The following MCTP1 variants were observed in gnomAD, a reference collection of about 807,000 sequenced individuals.
The protein encoded by MCTP1 is multiple C2 and transmembrane domain-containing protein 1.
MCTP1 carries 69 observed loss-of-function variants against 120.6 expected under a neutral mutation model. The ratio of observed to expected loss-of-function variants is 0.57; its 90% CI spans 0.47 to 0.70. The LOEUF (loss-of-function observed/expected upper bound fraction) is 0.70. Ranked by LOEUF, MCTP1 falls within the 30% of genes least tolerant of loss-of-function variation. The pLI is 0.00. For missense variants in MCTP1, 1,203 were observed against 1,248.8 expected (o/e 0.96, Z 0.55); for synonymous variants, 529 against 493.1 (o/e 1.07, Z -0.96).
intron 17 of MCTP1, among the ~76,000 whole-genome samples, chr5:94,863,513 T>A (rs1796210167): frequency 6.6e-6 from 1 of 151,860 alleles, no homozygotes; most frequent in South Asian, 2.1e-4. Flanking sequence ...TTATCCTACA[T>A]TTCATTGTGC....
intron 2 of MCTP1, among the ~76,000 whole-genome samples, chr5:95,000,794 A>C (rs762995130): frequency 6.6e-6 from 1 of 152,204 alleles, no homozygotes; most frequent in Non-Finnish European, 1.5e-5. Context: ...AGTGTAGCCT[A>C]AGTGTACAGT....
chr5:95,121,155 G>T (rs938814661), intron 1 of MCTP1, among the ~76,000 whole-genome samples: 4 of 151,842 alleles, frequency 2.6e-5, no homozygotes, highest in Non-Finnish European at 5.9e-5. Context: ...GCGGGTGCCT[G>T]TAGTCCCAGC....
At chr5:95,275,536 G>A (rs1488033029) in intron 1 of MCTP1, among the ~76,000 whole-genome samples, 1 of 152,102 alleles carries the variant, frequency 6.6e-6, no homozygotes, top group East Asian at 1.9e-4. Context: ...AAAAATACAA[G>A]TATGAGACAC....
intron 18 of MCTP1, among the ~76,000 whole-genome samples, chr5:94,779,820 G>C (rs1776194735): frequency 6.6e-6 from 1 of 152,142 alleles, no homozygotes; most frequent in Non-Finnish European, 1.5e-5. Flanking sequence ...CATGTGTATA[G>C]TGTGTGTATA....
intron 17 of MCTP1, among the ~76,000 whole-genome samples, chr5:94,848,403 G>T (rs1198450926): frequency 1.3e-5 from 2 of 151,958 alleles, no homozygotes; most frequent in African/African-American, 4.8e-5. Context: ...CACCCTCCGA[G>T]AAAATGCCTT....
intron 1 of MCTP1, among the ~76,000 whole-genome samples, chr5:95,092,338 G>A (rs1755908912): frequency 6.6e-6 from 1 of 152,176 alleles, no homozygotes; most frequent in Non-Finnish European, 1.5e-5. Flanking sequence ...TAAACAGCAA[G>A]TAATTCCCAA....
At chr5:94,864,281 G>A (rs1314921421) in intron 17 of MCTP1, among the ~76,000 whole-genome samples, 2 of 151,866 alleles carry the variant, frequency 1.3e-5, no homozygotes, top group Non-Finnish European at 2.9e-5. Context: ...GGAACACAAG[G>A]TACTTTGAGG....
chr5:94,735,934 A>G (rs550728818), intron 19 of MCTP1, among the ~76,000 whole-genome samples: 1 of 152,330 alleles, frequency 6.6e-6, no homozygotes, highest in South Asian at 2.1e-4. Flanking sequence ...GCAATTGGGT[A>G]AAGTACACAG....
intron 1 of MCTP1, among the ~76,000 whole-genome samples, chr5:95,032,771 T>G (rs1475242092): frequency 6.6e-6 from 1 of 151,404 alleles, no homozygotes; most frequent in African/African-American, 2.4e-5. Context: ...AGCAAAAAAA[T>G]TATGCAAAGG....
At position 94,755,535 on chromosome 5, in the gene MCTP1, C is replaced by T. The variant is rs1769591227; in HGVS notation, c.2610+23575G>A. Among the ~76,000 whole-genome samples the T allele has an allele frequency of 2.0e-5, 3 of 152,216 alleles. No homozygotes were observed. The South Asian group carries it at 6.2e-4, about 31-fold the overall frequency. On this transcript the variant is annotated intron_variant, in intron 19 of 22. Transcript: ENST00000515393. ...GAAACTCCGAGGACCACGACCACAA[C>T]TAATCCAATCACCAGCGTTCATGAC...
chr5:95,160,226 C>T (rs959923731), intron 1 of MCTP1, among the ~76,000 whole-genome samples: 5 of 152,018 alleles, frequency 3.3e-5, no homozygotes, highest in Admixed American at 3.3e-4. Flanking sequence ...ATATGTTATC[C>T]TGGGTGAGAA....
chr5:95,252,770 TAG>T, intron 1 of MCTP1, among the ~76,000 whole-genome samples: 1 of 152,238 alleles, frequency 6.6e-6, no homozygotes, highest in South Asian at 2.1e-4. Flanking sequence ...TAAGAATGTG[TAG>T]AGTCATATTC....
chr5:94,709,942 T>G (rs903493699), intron 21 of MCTP1: 1 of 152,246 alleles, frequency 6.6e-6, no homozygotes, highest in South Asian at 2.1e-4. Context: ...TCAAAAGCCT[T>G]GAAAAGAATT....
intron 1 of MCTP1, among the ~76,000 whole-genome samples, chr5:95,261,556 T>C (rs1355718294): frequency 6.6e-6 from 1 of 152,250 alleles, no homozygotes; most frequent in Non-Finnish European, 1.5e-5. Context: ...TCTGTGTTTC[T>C]TCATCCTTCC....
chr5:94,708,266 G>A, intron 22 of MCTP1: 1 of 285,160 alleles, frequency 3.5e-6, no homozygotes, highest in East Asian at 6.1e-5. Context: ...CTAACTTGGA[G>A]GAGGATCTTC....
In MCTP1 at chr5:95,168,308, G is replaced by A. The variant is rs1471999348; in HGVS notation, c.720+115548C>T. Reference sequence around the variant, plus strand: ...GTTTTGGTTACTGTAGCCTTGTAGTGTAGTTTGAAGTCAGGTAGCATGATG... The same window carrying A: ...GTTTTGGTTACTGTAGCCTTGTAGTATAGTTTGAAGTCAGGTAGCATGATG... On this transcript the variant is annotated intron_variant, in intron 1 of 22. Coordinates refer to ENST00000515393, the MANE Select transcript of MCTP1 (RefSeq NM_024717.7). Among the ~76,000 whole-genome samples the A allele has an allele frequency of 2.6e-5, 4 of 152,174 alleles. No homozygotes were observed. The South Asian group carries it at 6.2e-4, about 24-fold the overall frequency.
At chr5:95,100,125 G>C (rs1440049308) in intron 1 of MCTP1, among the ~76,000 whole-genome samples, 1 of 130,436 alleles carries the variant, frequency 7.7e-6, no homozygotes, top group East Asian at 2.6e-4. Flanking sequence ...GACTGTTGTG[G>C]GGTGGGGGGA....
chr5:95,161,816 T>A (rs1040080410), intron 1 of MCTP1, among the ~76,000 whole-genome samples: 2 of 152,196 alleles, frequency 1.3e-5, no homozygotes, highest in African/African-American at 4.8e-5. Context: ...AAGTCGGGAT[T>A]TGAACCCAGT....
At chr5:94,774,778 A>C (rs1004733437) in intron 19 of MCTP1, among the ~76,000 whole-genome samples, 4 of 152,226 alleles carry the variant, frequency 2.6e-5, no homozygotes, top group African/African-American at 9.6e-5. Flanking sequence ...GTGGCTTAGG[A>C]ATTTTTAAAA....
Sources: allele counts gnomAD v4.1 joint callset (sites outside exome capture counted in the v4.1 genomes callset), GRCh38; gene constraint gnomAD v4.1.1; transcripts MANE v1.5; gene names NCBI Gene and HGNC (gene_info 2026-07-23, HGNC 2026-07-21).